Variants in ZMAT4 observed in about 807,000 individuals in gnomAD.
ZMAT4 encodes the protein zinc finger matrin-type 4.
Under a neutral mutation model 28.7 loss-of-function variants are expected in ZMAT4, and 17 were observed. The observed-to-expected ratio is 0.59, with a 90% CI of 0.41 to 0.89. ZMAT4 has a LOEUF of 0.89. ZMAT4 is among the 40% of genes least tolerant of loss of function. The probability of loss-of-function intolerance (pLI) is 0.00; values close to 1 mark genes in which losing one functional copy is unlikely to be tolerated. For synonymous variants in ZMAT4, 117 were observed against 109.2 expected (o/e 1.07, Z -0.44); for missense variants, 240 against 283.8 (o/e 0.85, Z 1.11).
At chr8:40,683,854 C>T (rs1448221911) in intron 4 of ZMAT4, among the ~76,000 whole-genome samples, 1 of 151,958 alleles carries the variant, frequency 6.6e-6, no homozygotes, top group Non-Finnish European at 1.5e-5. Context: ...CACTAAAGCC[C>T]AGGAGTTTGG....
At chr8:40,700,592 T>C (rs1810098664) in intron 3 of ZMAT4, among the ~76,000 whole-genome samples, 1 of 151,974 alleles carries the variant, frequency 6.6e-6, no homozygotes, top group South Asian at 2.1e-4. Context: ...ATAATACTTT[T>C]TTATTGTTTG....
chr8:40,553,971 A>G (rs1803444588), intron 6 of ZMAT4, among the ~76,000 whole-genome samples: 2 of 152,162 alleles, frequency 1.3e-5, no homozygotes, highest in South Asian at 4.1e-4. Context: ...TCAAGGGTGA[A>G]AGAAATTAAC....
At chr8:40,533,672 G>A (rs1043596394) in intron 6 of ZMAT4, among the ~76,000 whole-genome samples, 1 of 152,090 alleles carries the variant, frequency 6.6e-6, no homozygotes, top group African/African-American at 2.4e-5. Context: ...GAACATTGTT[G>A]GTATAATGTA....
chr8:40,548,478 G>A (rs907026568), intron 6 of ZMAT4, among the ~76,000 whole-genome samples: 1 of 152,084 alleles, frequency 6.6e-6, no homozygotes, highest in African/African-American at 2.4e-5. Flanking sequence ...AGTTTTGTTG[G>A]AAATGTTTAT....
chr8:40,642,942 G>T (rs1275531182), intron 5 of ZMAT4, among the ~76,000 whole-genome samples: 1 of 152,188 alleles, frequency 6.6e-6, no homozygotes, highest in Non-Finnish European at 1.5e-5. Flanking sequence ...AGGGTATGAG[G>T]AGGCAAAGTC....
Position 40,804,949 on chromosome 8 carries a change from C to T in ZMAT4, c.102+20626G>A, listed in dbSNP as rs1392258081. Among the ~76,000 whole-genome samples, 3 of 141,428 alleles carry T rather than the reference C, an allele frequency of 2.1e-5. No individual in the cohort carries two copies. In the Admixed American group the frequency reaches 2.1e-4, roughly 10 times the overall value. 92.8% of individuals were successfully genotyped at this position (141,428 alleles called of 152,430 possible). On this transcript the variant is annotated intron_variant, in intron 2 of 6. Coordinates refer to ENST00000297737, the MANE Select transcript of ZMAT4 (RefSeq NM_024645.3). Reference sequence around the variant, plus strand: ...TAAACCAATATTTCTCAAGTGTAAGCAAAAAAAAAAAATTCTAGAGCTTCT... The same window carrying T: ...TAAACCAATATTTCTCAAGTGTAAGTAAAAAAAAAAAATTCTAGAGCTTCT...
chr8:40,892,625 T>C (rs1235704026), intron 1 of ZMAT4, among the ~76,000 whole-genome samples: 1 of 152,230 alleles, frequency 6.6e-6, no homozygotes, highest in East Asian at 1.9e-4. Flanking sequence ...CAAATAACAC[T>C]GACTTGGGAC....
intron 5 of ZMAT4, among the ~76,000 whole-genome samples, chr8:40,601,563 G>GAAAGA (rs771907752): frequency 3.4e-5 from 4 of 118,594 alleles, no homozygotes; most frequent in Non-Finnish European, 6.9e-5. Flanking sequence ...AAGAAAGAAA[G>GAAAGA]AAGAAAGAAA....
At chr8:40,654,028 A>AT (rs1563390646) in intron 5 of ZMAT4, among the ~76,000 whole-genome samples, 1 of 152,238 alleles carries the variant, frequency 6.6e-6, no homozygotes, top group African/African-American at 2.4e-5. Flanking sequence ...CCAAATTCAA[A>AT]TTTTTTATGC....
chr8:40,715,103 A>G (rs1427724475), intron 3 of ZMAT4, among the ~76,000 whole-genome samples: 1 of 151,696 alleles, frequency 6.6e-6, no homozygotes, highest in African/African-American at 2.4e-5. Flanking sequence ...AGACCTCGCT[A>G]TGGAAGGGAC....
At chr8:40,555,377 A>G (rs999925579) in intron 6 of ZMAT4, among the ~76,000 whole-genome samples, 2 of 152,178 alleles carry the variant, frequency 1.3e-5, no homozygotes, top group Non-Finnish European at 2.9e-5. Flanking sequence ...TTTTTAGTTT[A>G]CAAATACTTC....
intron 2 of ZMAT4, among the ~76,000 whole-genome samples, chr8:40,773,084 A>G (rs1440305762): frequency 1.3e-5 from 2 of 152,346 alleles, no homozygotes; most frequent in Middle Eastern, 3.4e-3. Context: ...CAAGACAAAT[A>G]GAAAACCACA....
chr8:40,802,201 A>T (rs139877692), intron 2 of ZMAT4, among the ~76,000 whole-genome samples: 1 of 152,248 alleles, frequency 6.6e-6, no homozygotes. Context: ...ACTGCTTTTC[A>T]GCATCGTACT....
At chr8:40,658,792 A>C (rs1359195624) in intron 5 of ZMAT4, among the ~76,000 whole-genome samples, 2 of 152,092 alleles carry the variant, frequency 1.3e-5, no homozygotes, top group Non-Finnish European at 2.9e-5. Context: ...TATTCCAGCC[A>C]GCCAGCTTGC....
intron 6 of ZMAT4, among the ~76,000 whole-genome samples, chr8:40,554,879 A>G (rs764425692): frequency 2.7e-4 from 41 of 152,208 alleles, no homozygotes; most frequent in Non-Finnish European, 4.3e-4. Flanking sequence ...TAGTCACCTT[A>G]CTGTTATCAG....
At chr8:40,671,089 G>C (rs2599673) in intron 5 of ZMAT4, among the ~76,000 whole-genome samples, 77,484 of 149,838 alleles carry the variant, frequency 0.52, 20,349 homozygotes, top group Middle Eastern at 0.63. Flanking sequence ...AAAAGTACTT[G>C]ACATCATTAG....
At chr8:40,880,807 C>T (rs1172530272) in intron 1 of ZMAT4, among the ~76,000 whole-genome samples, 1 of 152,116 alleles carries the variant, frequency 6.6e-6, no homozygotes, top group African/African-American at 2.4e-5. Flanking sequence ...TGTTATATTT[C>T]TCTTTCTCTG....
chr8:40,841,102 A>G (rs938883510), intron 1 of ZMAT4, among the ~76,000 whole-genome samples: 26 of 152,188 alleles, frequency 1.7e-4, no homozygotes, highest in Non-Finnish European at 3.5e-4. Flanking sequence ...ACTTAGTCCT[A>G]TAGGAACAAC....
intron 6 of ZMAT4, among the ~76,000 whole-genome samples, chr8:40,566,986 A>T (rs1406358050): frequency 6.6e-6 from 1 of 152,200 alleles, no homozygotes; most frequent in Non-Finnish European, 1.5e-5. Flanking sequence ...TTTTTGTTAG[A>T]ATATAAATCA....
Sources: gnomAD v4.1 joint callset for allele counts (sites outside exome capture counted in the v4.1 genomes callset) on GRCh38, gnomAD v4.1.1 for gene constraint, MANE v1.5 for transcripts, NCBI Gene and HGNC (gene_info 2026-07-23, HGNC 2026-07-21) for gene names.